Variants in SYT17 observed in about 807,000 individuals in gnomAD.
SYT17 encodes the protein synaptotagmin 17.
Under a neutral mutation model 46.7 loss-of-function variants are expected in SYT17, and 22 were observed. The observed-to-expected ratio is 0.47, with a 90% CI of 0.34 to 0.67. SYT17 has a LOEUF of 0.67. Ranked by LOEUF, SYT17 falls within the 30% of genes least tolerant of loss-of-function variation. SYT17 has a pLI of 0.01. For missense variants in SYT17, 519 were observed against 612.8 expected (o/e 0.85, Z 1.62); for synonymous variants, 251 against 248.4 (o/e 1.01, Z -0.10).
Position 19,224,717 on chromosome 16 carries a change from C to T in SYT17, c.1107C>T (p.Leu369=). The T allele has an allele frequency of 1.9e-6, 3 of 1,614,076 alleles. No individual in the cohort carries two copies. Among genetic ancestry groups the T allele is most frequent in the Non-Finnish European group, 8.5e-7 (1 of 1,179,974 alleles). Residue 369 remains leucine (L), a synonymous_variant, in exon 7 of 8, where the codon CTC becomes CTT. Transcript: ENST00000355377. The stretch of plus-strand genomic sequence containing the variant: ...TGAAAATCCAGCTGGTGCATGGACT[C>T]AAACTTGTGAAAACCAAGAAGACGT... ...PFVKIQLVHG[L]KLVKTKKTSF...
At chr16:19,188,617 T>A (rs541657676) in intron 5 of SYT17, among the ~76,000 whole-genome samples, 1 of 151,982 alleles carries the variant, frequency 6.6e-6, no homozygotes, top group Non-Finnish European at 1.5e-5. Flanking sequence ...GATGTAGATT[T>A]GTTGCCAGGG....
At chr16:19,194,363 C>T (rs890997931) in intron 5 of SYT17, among the ~76,000 whole-genome samples, 3 of 152,136 alleles carry the variant, frequency 2.0e-5, no homozygotes, top group African/African-American at 7.2e-5. Flanking sequence ...GCTGCAGAAC[C>T]ACCTCTCCGC....
intron 5 of SYT17, among the ~76,000 whole-genome samples, chr16:19,220,860 G>A (rs536824194): frequency 5.3e-5 from 8 of 152,222 alleles, no homozygotes; most frequent in African/African-American, 1.9e-4. Context: ...GCTGGAGACA[G>A]GCCAGGGTGA....
chr16:19,220,303 C>CTTTCTTTCTT lies in SYT17; in HGVS notation c.952-2739_952-2738insCTTTCTTTTT, dbSNP rs776097400. On this transcript the variant is annotated intron_variant, in intron 5 of 7. Coordinates refer to ENST00000355377, the MANE Select transcript of SYT17 (RefSeq NM_016524.4). The stretch of plus-strand genomic sequence containing the variant: ...TTCAATGACATTTCTTTCTTTCTTT[C>CTTTCTTTCTT]TTTTTTTTTTTTTTTTTGAGATGAA... 6.2e-5 allele frequency among the ~76,000 whole-genome samples: 5 copies of CTTTCTTTCTT among 80,512 alleles called. No individual in the cohort carries two copies. In the Admixed American group the frequency reaches 8.7e-4, roughly 14 times the overall value. 52.8% of individuals were successfully genotyped at this position (80,512 alleles called of 152,430 possible). A position where few individuals can be genotyped will look rare whatever the true frequency, so the allele number is the denominator to read the frequency against.
upstream of SYT17, chr16:19,167,942 CCTTAA>C (rs139922278): frequency 6.6e-6 from 1 of 152,540 alleles, no homozygotes; most frequent in East Asian, 1.9e-4. Context: ...CCTACGCCCA[CCTTAA>C]CTTGAGGCTC....
chr16:19,181,627 C>T (rs1057360717), intron 4 of SYT17, among the ~76,000 whole-genome samples: 11 of 150,998 alleles, frequency 7.3e-5, no homozygotes, highest in South Asian at 4.2e-4. Context: ...CTGTTGAGCA[C>T]GTAAATGGTG....
chr16:19,176,801 GC>G (rs1964331670), intron 3 of SYT17, among the ~76,000 whole-genome samples: 1 of 152,184 alleles, frequency 6.6e-6, no homozygotes, highest in African/African-American at 2.4e-5. Flanking sequence ...ACAGGTGAGA[GC>G]CGCGGCAACC....
At chr16:19,172,175 C>T in intron 1 of SYT17, 1 of 249,458 alleles carries the variant, frequency 4.0e-6, no homozygotes, top group Non-Finnish European at 6.7e-6. Context: ...GGTGGGGCCA[C>T]AACAGGAAGG....
At chr16:19,200,155 G>T (rs774855960) in intron 5 of SYT17, among the ~76,000 whole-genome samples, 4 of 152,192 alleles carry the variant, frequency 2.6e-5, no homozygotes, top group Admixed American at 1.3e-4. Flanking sequence ...AAGGCCTCAG[G>T]TTAGCTCTGG....
At chr16:19,227,599 G>C (rs1428990099) in intron 7 of SYT17, among the ~76,000 whole-genome samples, 1 of 152,140 alleles carries the variant, frequency 6.6e-6, no homozygotes, top group East Asian at 1.9e-4. Context: ...TTACAGGCAT[G>C]AGCCACCACG....
chr16:19,214,693 C>T (rs1373740915), intron 5 of SYT17, among the ~76,000 whole-genome samples: 1 of 152,180 alleles, frequency 6.6e-6, no homozygotes, highest in African/African-American at 2.4e-5. Context: ...TGGCAACTCT[C>T]CTTTTCCTCC....
chr16:19,191,970 G>C (rs563052552), intron 5 of SYT17, among the ~76,000 whole-genome samples: 15 of 152,224 alleles, frequency 9.9e-5, no homozygotes, highest in African/African-American at 3.1e-4. Flanking sequence ...ATTTTTAGTA[G>C]AGATGGGGTT....
chr16:19,205,287 A>G (rs1965622946), intron 5 of SYT17, among the ~76,000 whole-genome samples: 1 of 152,010 alleles, frequency 6.6e-6, no homozygotes, highest in South Asian at 2.1e-4. Flanking sequence ...GGCCACATCA[A>G]CTTTGCTGGG....
intron 5 of SYT17, among the ~76,000 whole-genome samples, chr16:19,196,243 ATTTT>A (rs35656867): frequency 6.9e-6 from 1 of 144,930 alleles, no homozygotes; most frequent in African/African-American, 2.6e-5. Context: ...CGATAGAAGA[ATTTT>A]TTTTTTTTTT....
At chr16:19,210,067 T>C (rs116154225) in intron 5 of SYT17, among the ~76,000 whole-genome samples, 1 of 131,754 alleles carries the variant, frequency 7.6e-6, no homozygotes, top group East Asian at 2.0e-4. Flanking sequence ...CTTTTAGTTT[T>C]ATTATATTTT....
intron 7 of SYT17, among the ~76,000 whole-genome samples, chr16:19,246,598 A>G (rs922189920): frequency 1.3e-5 from 2 of 152,090 alleles, no homozygotes; most frequent in African/African-American, 2.4e-5. Flanking sequence ...ATACGTACAC[A>G]TATGTGTGTG....
chr16:19,222,915 G>C (rs750343363), intron 5 of SYT17, 130 bp from the exon 6 acceptor site: 9 of 1,212,712 alleles, frequency 7.4e-6, no homozygotes, highest in East Asian at 2.4e-5. Flanking sequence ...GTCACACACA[G>C]AGGCTCCCAC....
intron 7 of SYT17, among the ~76,000 whole-genome samples, chr16:19,263,560 A>G (rs1969134874): frequency 6.7e-6 from 1 of 148,938 alleles, no homozygotes; most frequent in Non-Finnish European, 1.5e-5. Flanking sequence ...GAATCACTTG[A>G]GCCCGGGAGG....
At position 19,183,539 on chromosome 16, in the gene SYT17, A is replaced by C; in HGVS notation, c.343A>C (p.Arg115=). The C allele has an allele frequency of 1.9e-6, 3 of 1,613,902 alleles. No individual in the cohort carries two copies. Among genetic ancestry groups the C allele is most frequent in the South Asian group, 1.1e-5 (1 of 91,080 alleles). The change falls in exon 5 of 8, where the codon AGA becomes CGA. Residue 115 remains arginine, a synonymous_variant. Transcript: ENST00000355377. This position sits in a 1 kb window ranked among gnomAD's most constrained non-coding sequence, Gnocchi z 5.6. The stretch of plus-strand genomic sequence containing the variant: ...CTGGTGGCTCTCAGGTCTTGAGTCA[A>C]GACGTCCCAGCTCTCCACTCATCGA... ...LTRRISSLES[R]RPSSPLIDIK...
Sources: allele counts gnomAD v4.1 joint callset (sites outside exome capture counted in the v4.1 genomes callset), GRCh38; gene constraint gnomAD v4.1.1; non-coding constraint Gnocchi (gnomAD v3.1); transcripts MANE v1.5; gene names NCBI Gene and HGNC (gene_info 2026-07-23, HGNC 2026-07-21).